The following RERE variants were observed in gnomAD, a reference collection of about 807,000 sequenced individuals.
RERE encodes the protein arginine-glutamic acid dipeptide repeats protein.
A neutral mutation model predicts 146.1 loss-of-function variants in RERE; 40 were observed. That is an observed-to-expected ratio of 0.27 (90% confidence interval 0.21 to 0.36). The LOEUF is 0.36. Ranked by LOEUF, RERE falls within the 10% of genes least tolerant of loss-of-function variation. The pLI is 1.00. For missense variants in RERE, 1,933 were observed against 2,138.7 expected (o/e 0.90, Z 1.90); for synonymous variants, 1,003 against 866.0 (o/e 1.16, Z -2.78).
intron 11 of RERE, chr1:8,424,527 A>C (rs1643980202): frequency 6.6e-6 from 1 of 152,248 alleles, no homozygotes; most frequent in Non-Finnish European, 1.5e-5. Context: ...AAGGCACAAG[A>C]AAGCAGCAAG....
At chr1:8,786,269 G>C (rs1234823470) in intron 1 of RERE, 1 of 997,062 alleles carries the variant, frequency 1.0e-6, no homozygotes, top group Non-Finnish European at 1.6e-6. Context: ...CTACAAAATG[G>C]GTGGTTTTTC....
At chr1:8,515,223 A>C (rs888239829) in intron 7 of RERE, among the ~76,000 whole-genome samples, 4 of 152,124 alleles carry the variant, frequency 2.6e-5, no homozygotes, top group African/African-American at 9.7e-5. Flanking sequence ...TTAGCTGGTC[A>C]CGGTGGCACG....
chr1:8,488,697 AAC>A (rs1433406439), intron 10 of RERE, among the ~76,000 whole-genome samples: 3 of 152,224 alleles, frequency 2.0e-5, no homozygotes, highest in Non-Finnish European at 4.4e-5. Context: ...CAGTATTCAA[AAC>A]ACAGAGGCCC....
intron 3 of RERE, among the ~76,000 whole-genome samples, chr1:8,617,469 A>G (rs747116870): frequency 3.9e-5 from 6 of 152,152 alleles, no homozygotes; most frequent in Non-Finnish European, 8.8e-5. Context: ...AATACTTGAT[A>G]ACGAACTTTA....
intron 4 of RERE, among the ~76,000 whole-genome samples, chr1:8,592,737 C>T (rs1646510447): frequency 6.6e-6 from 1 of 152,008 alleles, no homozygotes; most frequent in Admixed American, 6.5e-5. Context: ...GTCATCTTTG[C>T]GCAGAGTTCT....
chr1:8,593,152 CATA>C (rs1372055404), intron 4 of RERE, among the ~76,000 whole-genome samples: 2 of 152,158 alleles, frequency 1.3e-5, no homozygotes, highest in African/African-American at 4.8e-5. Flanking sequence ...CCCCATTTTC[CATA>C]ATAACAGAGC....
At chr1:8,813,479 C>T (rs1641851230) in intron 1 of RERE, among the ~76,000 whole-genome samples, 2 of 152,074 alleles carry the variant, frequency 1.3e-5, no homozygotes, top group Admixed American at 1.3e-4. Context: ...TCAGCATATA[C>T]AGGTTTTTAG....
At chr1:8,785,842 G>C (rs573321627) in intron 1 of RERE, among the ~76,000 whole-genome samples, 2 of 152,166 alleles carry the variant, frequency 1.3e-5, no homozygotes. Context: ...AGCTGGTCTC[G>C]AATTCCTGAC....
In RERE at chr1:8,365,947, A is replaced by G. The variant is rs1557591383; in HGVS notation, c.1312T>C (p.Trp438Arg). ...CTGGCTGCTTCGGGGGTCTTCTTCC[A>G]ATAGTAATAGAAGGTGATCAGCTCC... ...TGELITFYYY[W>R]KKTPEAASSR... The change falls in exon 13 of 23, where the codon TGG becomes CGG. Residue 438 changes from tryptophan to arginine, a missense_variant. Physicochemically the swap from Trp to Arg is moderately radical, Grantham distance 101. Around this residue, in one of 11 missense-constraint regions of RERE, gnomAD observed 260 missense variants for 378.4 expected, o/e 0.69. Transcript: ENST00000400908. 4 of 1,613,776 alleles carry G rather than the reference A, an allele frequency of 2.5e-6. No homozygotes were observed. The highest frequency in any genetic ancestry group is 3.4e-6 in the Non-Finnish European group (4 of 1,180,012).
chr1:8,760,670 TTAA>T (rs1225417630), intron 1 of RERE, among the ~76,000 whole-genome samples: 1 of 152,236 alleles, frequency 6.6e-6, no homozygotes, highest in East Asian at 1.9e-4. Context: ...GGATGGTTTC[TTAA>T]TATATTTACT....
In RERE at chr1:8,361,346, T is replaced by C; in HGVS notation, c.2161A>G (p.Asn721Asp). ...GCTGACGAGTCCGAGTCACTCTCATTGTCCTGGGGGCTGGGGATGCTCGGG... is the reference window on the plus strand; with the variant it reads ...GCTGACGAGTCCGAGTCACTCTCATCGTCCTGGGGGCTGGGGATGCTCGGG... ...TSPSIPSPQD[N>D]ESDSDSSAQQ... Residue 721 changes from asparagine (N) to aspartate (D), a missense_variant, in exon 18 of 23, where the codon AAT becomes GAT. By Grantham distance (23) the Asn-to-Asp change is conservative. Around this residue, in one of 11 missense-constraint regions of RERE, gnomAD observed 1,255 missense variants for 1,153.8 expected, o/e 1.09. Transcript: ENST00000400908. The C allele has an allele frequency of 1.2e-6, 2 of 1,613,402 alleles. No individual in the cohort carries two copies. Among genetic ancestry groups the C allele is most frequent in the Non-Finnish European group, 1.7e-6 (2 of 1,179,646 alleles).
Position 8,361,867 on chromosome 1 carries a change from C to T in RERE, c.1912G>A (p.Glu638Lys). 2.5e-6 allele frequency: 4 copies of T among 1,612,944 alleles called. No homozygotes were observed. The highest frequency in any genetic ancestry group is 3.4e-6 in the Non-Finnish European group (4 of 1,178,942). The change falls in exon 17 of 23, where the codon GAG becomes AAG. Residue 638 changes from glutamate (E) to lysine (K), a missense_variant. Around this residue, in one of 11 missense-constraint regions of RERE, gnomAD observed 1,255 missense variants for 1,153.8 expected, o/e 1.09. Transcript: ENST00000400908. ...TVKKSAKKVKEEASSPLKSNK... is the reference protein window; with the variant it reads ...TVKKSAKKVKKEASSPLKSNK... ...CTCTTAAGAGGGGAAGAGGCTTCCT[C>T]CTTCACCTTCTGCAGGGGAAAAGCC...
intron 2 of RERE, among the ~76,000 whole-genome samples, chr1:8,630,534 T>C (rs1450860916): frequency 6.6e-6 from 1 of 152,220 alleles, no homozygotes; most frequent in East Asian, 1.9e-4. Flanking sequence ...TTTAGTTTCC[T>C]GCCAGAATCT....
intron 10 of RERE, among the ~76,000 whole-genome samples, chr1:8,468,300 T>C (rs1162615936): frequency 6.6e-6 from 1 of 152,240 alleles, no homozygotes; most frequent in Non-Finnish European, 1.5e-5. Flanking sequence ...TAGGCTTCTT[T>C]CAGACGTATA....
At chr1:8,765,797 C>T (rs1640834925) in intron 1 of RERE, among the ~76,000 whole-genome samples, 1 of 152,024 alleles carries the variant, frequency 6.6e-6, no homozygotes. Flanking sequence ...ACTAAAAATA[C>T]AAAAATTAGT....
intron 1 of RERE, among the ~76,000 whole-genome samples, chr1:8,711,921 T>C (rs999436529): frequency 6.6e-6 from 1 of 152,164 alleles, no homozygotes; most frequent in Non-Finnish European, 1.5e-5. Context: ...CGCCAATAAA[T>C]GAAAATACTT....
At chr1:8,638,782 AATT>A (rs1455427464) in intron 2 of RERE, among the ~76,000 whole-genome samples, 78 of 134,422 alleles carry the variant, frequency 5.8e-4, no homozygotes, top group East Asian at 5.6e-3. Flanking sequence ...GACGAAAAAA[AATT>A]TTTTTTTTTT....
rs1008364040 is a variant in RERE at position 8,444,853 on chromosome 1, G to A, written c.1203+21072C>T. Reference sequence around the variant, plus strand: ...TCCCTGAGGCCTCCCCAGGAAGTGCGTAGATGTTGGTGTCATGCTTGTACA... The same window carrying A: ...TCCCTGAGGCCTCCCCAGGAAGTGCATAGATGTTGGTGTCATGCTTGTACA... On this transcript the variant is annotated intron_variant, in intron 11 of 22. Transcript: ENST00000400908. 4.0e-5 allele frequency among the ~76,000 whole-genome samples: 6 copies of A among 151,612 alleles called. No individual in the cohort carries two copies. In the East Asian group the frequency reaches 5.8e-4, roughly 15 times the overall value.
intron 12 of RERE, among the ~76,000 whole-genome samples, chr1:8,370,535 A>C (rs1641997576): frequency 6.6e-6 from 1 of 152,186 alleles, no homozygotes; most frequent in South Asian, 2.1e-4. Flanking sequence ...AAACAACAAC[A>C]AATCCAGGCC....
Sources: allele counts gnomAD v4.1 joint callset (sites outside exome capture counted in the v4.1 genomes callset), GRCh38; gene constraint gnomAD v4.1.1; regional missense constraint gnomAD v4.1.1; transcripts MANE v1.5; gene names NCBI Gene and HGNC (gene_info 2026-07-23, HGNC 2026-07-21).